The following DOCK9 variants were observed in gnomAD, a reference collection of about 807,000 sequenced individuals.
The protein encoded by DOCK9 is dedicator of cytokinesis 9.
Under a neutral mutation model 263.3 loss-of-function variants are expected in DOCK9, and 89 were observed. That is an observed-to-expected ratio of 0.34 (90% CI 0.28 to 0.40). The LOEUF is 0.40. DOCK9 is among the 10% of genes least tolerant of loss of function. The pLI is 1.00. For synonymous variants in DOCK9, 976 were observed against 973.1 expected (o/e 1.00, Z -0.06); for missense variants, 2,140 against 2,603.4 (o/e 0.82, Z 3.87).
At chr13:98,981,294 C>T (rs528124028), upstream of DOCK9, among the ~76,000 whole-genome samples, 4 of 152,152 alleles carry the variant, frequency 2.6e-5, no homozygotes, top group South Asian at 8.3e-4. Flanking sequence ...TGGGCTCAAG[C>T]GATCCTCCCA....
At position 98,829,899 on chromosome 13, in the gene DOCK9, G is replaced by GA; in HGVS notation, c.4636-144dup. The stretch of plus-strand genomic sequence containing the variant: ...TTTGAGCAGGGGTCGCTCCGTGTAG[G>GA]AAACAATGTCTGAGGTATTTTCTTC... On this transcript the variant is annotated intron_variant, in intron 41 of 52. Coordinates refer to ENST00000682017, the MANE Select transcript of DOCK9 (RefSeq NM_001366683.2). The surrounding 1 kb of genome is among the most constrained non-coding windows in gnomAD (Gnocchi z 4.1). The GA allele has an allele frequency of 1.6e-6, 1 of 637,490 alleles. No homozygotes were observed. The highest frequency in any genetic ancestry group is 2.8e-6 in the Non-Finnish European group (1 of 356,464). The allele number at this position is 637,490 out of a possible 1,614,324, so 39.5% of individuals were successfully genotyped here.
intron 49 of DOCK9, among the ~76,000 whole-genome samples, chr13:98,803,069 AC>A (rs2090297414): frequency 6.6e-6 from 1 of 152,136 alleles, no homozygotes; most frequent in Non-Finnish European, 1.5e-5. Context: ...TGAGGCTGTG[AC>A]CCAGGCCTAC....
chr13:99,080,023 G>A (rs1596059381), intron 1 of DOCK9, among the ~76,000 whole-genome samples: 1 of 152,172 alleles, frequency 6.6e-6, no homozygotes, highest in Non-Finnish European at 1.5e-5. Flanking sequence ...CTGGGTGACA[G>A]AGTGAGACTC....
chr13:99,065,570 C>A (rs763065565), intron 1 of DOCK9, among the ~76,000 whole-genome samples: 16 of 152,176 alleles, frequency 1.1e-4, no homozygotes, highest in Non-Finnish European at 2.2e-4. Context: ...CACTGTTTCC[C>A]AAGTACACGC....
chr13:98,843,409 C>A (rs1594592206), intron 38 of DOCK9, among the ~76,000 whole-genome samples: 1 of 152,114 alleles, frequency 6.6e-6, no homozygotes, highest in African/African-American at 2.4e-5. Flanking sequence ...AGTATGCACT[C>A]CCTTCTCTGT....
rs371873861 is a variant in DOCK9, at chr13:99,013,979, C to G, written c.130-58428G>C. 9.7e-4 allele frequency among the ~76,000 whole-genome samples: 148 copies of G among 152,334 alleles called. 2 individuals carry two copies. Among genetic ancestry groups the G allele is most frequent in the African/African-American group, 3.4e-3 (141 of 41,572 alleles). On this transcript the variant is annotated intron_variant, in intron 1 of 32. Transcript: ENST00000427887. ...GCACCTCTGCCACATGCACAGACGG[C>G]CTGCTGGTGCAGGCAAGAGTGGTGG... is the stretch of plus-strand genomic sequence containing the variant.
chr13:98,856,565 T>C (rs2093711359), intron 33 of DOCK9: 2 of 152,652 alleles, frequency 1.3e-5, no homozygotes, highest in Non-Finnish European at 2.9e-5. Flanking sequence ...AGCTGGGTAT[T>C]TGGGGGCCTG....
At chr13:98,866,430 A>C (rs2094026012) in intron 30 of DOCK9, among the ~76,000 whole-genome samples, 1 of 152,208 alleles carries the variant, frequency 6.6e-6, no homozygotes, top group African/African-American at 2.4e-5. Flanking sequence ...TGAATGCCTT[A>C]GTGTGTTTCT....
chr13:98,986,052 G>A (rs1404934838), intron 1 of DOCK9, among the ~76,000 whole-genome samples: 3 of 152,184 alleles, frequency 2.0e-5, no homozygotes, highest in East Asian at 3.8e-4. Flanking sequence ...TTTAAAAAGC[G>A]CTCAAGTTTT....
intron 2 of DOCK9, among the ~76,000 whole-genome samples, chr13:98,931,217 A>T (rs1037570543): frequency 1.3e-5 from 2 of 152,248 alleles, no homozygotes; most frequent in African/African-American, 4.8e-5. Flanking sequence ...ATAAAATGAC[A>T]GGGCAGGGGT....
At chr13:98,983,682 C>A (rs796731303) in intron 1 of DOCK9, among the ~76,000 whole-genome samples, 11 of 150,694 alleles carry the variant, frequency 7.3e-5, no homozygotes, top group African/African-American at 2.7e-4. Context: ...AGTGGCATGA[C>A]CTCGGCTCAC....
At chr13:98,929,525 A>G (rs1020935994) in intron 3 of DOCK9, among the ~76,000 whole-genome samples, 1 of 152,216 alleles carries the variant, frequency 6.6e-6, no homozygotes, top group Non-Finnish European at 1.5e-5. Context: ...AGCTTAGACA[A>G]CAGAGCAAGA....
chr13:98,801,896 CA>C (rs534757832), intron 49 of DOCK9, among the ~76,000 whole-genome samples: 113 of 152,336 alleles, frequency 7.4e-4, no homozygotes, highest in Non-Finnish European at 2.6e-4. Context: ...CCTCATATGT[CA>C]CGTACTTATA....
intron 1 of DOCK9, among the ~76,000 whole-genome samples, chr13:98,998,363 ATTT>A: frequency 6.6e-6 from 1 of 152,202 alleles, no homozygotes; most frequent in Non-Finnish European, 1.5e-5. Context: ...AAGACTGATT[ATTT>A]GTCTAGGCAT....
At chr13:98,973,734 A>C (rs1343373529) in intron 1 of DOCK9, among the ~76,000 whole-genome samples, 3 of 152,140 alleles carry the variant, frequency 2.0e-5, no homozygotes, top group African/African-American at 7.2e-5. Context: ...AGAAGCTGGG[A>C]CTATAGGTGC....
chr13:99,022,609 A>G (rs1302868607), intron 1 of DOCK9, among the ~76,000 whole-genome samples: 1 of 152,182 alleles, frequency 6.6e-6, no homozygotes, highest in East Asian at 1.9e-4. Context: ...AAATGAGAGA[A>G]TCTTCCTTTT....
chr13:98,941,803 C>T (rs1399542824), intron 2 of DOCK9, among the ~76,000 whole-genome samples: 1 of 152,154 alleles, frequency 6.6e-6, no homozygotes, highest in Non-Finnish European at 1.5e-5. Flanking sequence ...ATGACATTCC[C>T]TAGAGGCGAG....
chr13:98,999,624 G>A (rs976215557), intron 1 of DOCK9, among the ~76,000 whole-genome samples: 3 of 104,604 alleles, frequency 2.9e-5, no homozygotes, highest in Non-Finnish European at 4.2e-5. Context: ...GAAAGAGGGC[G>A]ATTCAAAAAT....
chr13:98,914,005 A>G (rs2050471470), intron 9 of DOCK9, among the ~76,000 whole-genome samples: 1 of 152,180 alleles, frequency 6.6e-6, no homozygotes, highest in Admixed American at 6.5e-5. Flanking sequence ...ATCAACATAG[A>G]AAGTACGATG....
Sources: allele counts gnomAD v4.1 joint callset (sites outside exome capture counted in the v4.1 genomes callset), GRCh38; gene constraint gnomAD v4.1.1; non-coding constraint Gnocchi (gnomAD v3.1); transcripts MANE v1.5; gene names NCBI Gene and HGNC (gene_info 2026-07-23, HGNC 2026-07-21).